TLL2: variants seen among roughly 807,000 people sequenced by gnomAD.
TLL2 encodes tolloid like 2.
Under a neutral mutation model 123.0 loss-of-function variants are expected in TLL2, and 106 were observed. The ratio of observed to expected loss-of-function variants is 0.86; its 90% confidence interval spans 0.74 to 1.01. The LOEUF is 1.01. Ranked by LOEUF, TLL2 falls within the 50% of genes least tolerant of loss-of-function variation. The pLI is 0.00. For missense variants in TLL2, 1,332 were observed against 1,336.7 expected (o/e 1.00, Z 0.06); for synonymous variants, 494 against 516.8 (o/e 0.96, Z 0.60).
At chr10:96,477,360 T>A (rs1312953907) in intron 2 of TLL2, among the ~76,000 whole-genome samples, 1 of 151,548 alleles carries the variant, frequency 6.6e-6, no homozygotes, top group Non-Finnish European at 1.5e-5. Flanking sequence ...TAATTTTTTT[T>A]TTTTTTTGAG....
intron 10 of TLL2, among the ~76,000 whole-genome samples, chr10:96,400,378 AAAC>A (rs1214823651): frequency 8.4e-4 from 117 of 139,006 alleles, no homozygotes; most frequent in East Asian, 6.4e-3. Context: ...AAAAAAAAAA[AAAC>A]AAAACCTTCA....
intron 19 of TLL2, among the ~76,000 whole-genome samples, chr10:96,371,176 C>A (rs139831341): frequency 0.017 from 2,657 of 152,060 alleles, 95 homozygotes; most frequent in African/African-American, 0.06. Flanking sequence ...ACAAAATTAG[C>A]TAGGTGTGGT....
intron 1 of TLL2, among the ~76,000 whole-genome samples, chr10:96,483,195 A>G (rs1281478572): frequency 6.6e-6 from 1 of 152,216 alleles, no homozygotes; most frequent in Non-Finnish European, 1.5e-5. Context: ...GGAAAGAAAC[A>G]GGCTGAAAAA....
At chr10:96,420,311 T>C (rs1846606503) in intron 7 of TLL2, among the ~76,000 whole-genome samples, 1 of 152,114 alleles carries the variant, frequency 6.6e-6, no homozygotes, top group Non-Finnish European at 1.5e-5. Context: ...ATACTGAAAA[T>C]CTTTAATGTC....
chr10:96,396,903 C>T (rs964122592), intron 11 of TLL2, among the ~76,000 whole-genome samples: 1 of 152,194 alleles, frequency 6.6e-6, no homozygotes, highest in African/African-American at 2.4e-5. Context: ...CCCCCCAATA[C>T]CGTCCTGTAT....
intron 1 of TLL2, among the ~76,000 whole-genome samples, chr10:96,482,435 C>T (rs1033154728): frequency 4.7e-4 from 72 of 152,350 alleles, no homozygotes; most frequent in African/African-American, 1.6e-3. Flanking sequence ...ACATGTCCAT[C>T]AGCTGTTGAA....
intron 2 of TLL2, among the ~76,000 whole-genome samples, chr10:96,473,695 A>G (rs1351296871): frequency 6.6e-6 from 1 of 152,226 alleles, no homozygotes; most frequent in Non-Finnish European, 1.5e-5. Context: ...CTTCCATCCG[A>G]GCCAATAAGT....
intron 1 of TLL2, among the ~76,000 whole-genome samples, chr10:96,496,748 G>A (rs971196617): frequency 6.6e-6 from 1 of 152,200 alleles, no homozygotes; most frequent in African/African-American, 2.4e-5. Flanking sequence ...CACAAGATTG[G>A]TTTGGGCAGG....
chr10:96,405,506 A>G (rs1846441227), intron 9 of TLL2, among the ~76,000 whole-genome samples, 172 bp from the exon 10 acceptor site: 1 of 152,202 alleles, frequency 6.6e-6, no homozygotes. Flanking sequence ...ACATTAAATA[A>G]TAAACCTTAA....
In TLL2 at chr10:96,425,263, C is replaced by T. The variant is rs560905817; in HGVS notation, c.639-2536G>A. On this transcript the variant is annotated intron_variant, in intron 5 of 20. Coordinates refer to ENST00000357947, the MANE Select transcript of TLL2 (RefSeq NM_012465.4). ...GCTACCTCTGTCATTACTGTTTTCT[C>T]TCTCTCTCTCTCTCTCTCTCTCTCT... is the stretch of plus-strand genomic sequence containing the variant. Among the ~76,000 whole-genome samples the T allele has an allele frequency of 4.7e-4, 33 of 70,160 alleles. No individual in the cohort carries two copies. In the South Asian group the frequency reaches 8.2e-3, roughly 17 times the overall value. 46.0% of individuals were successfully genotyped at this position (70,160 alleles called of 152,430 possible).
At chr10:96,511,140 C>T (rs1847626171) in intron 1 of TLL2, among the ~76,000 whole-genome samples, 1 of 152,172 alleles carries the variant, frequency 6.6e-6, no homozygotes, top group Non-Finnish European at 1.5e-5. Context: ...AAAAGGAGAG[C>T]TTCTGGCCAG....
At chr10:96,468,373 A>T (rs1282183762) in intron 2 of TLL2, among the ~76,000 whole-genome samples, 1 of 152,180 alleles carries the variant, frequency 6.6e-6, no homozygotes. Flanking sequence ...GCTGGCCATG[A>T]GGGGCAGGTG....
At chr10:96,371,140 G>A (rs930293266) in intron 19 of TLL2, among the ~76,000 whole-genome samples, 7 of 152,008 alleles carry the variant, frequency 4.6e-5, no homozygotes, top group South Asian at 2.1e-4. Flanking sequence ...TGGCCAACAT[G>A]GTGAAACCCT....
At chr10:96,384,961 C>T (rs368073030) in intron 15 of TLL2, among the ~76,000 whole-genome samples, 194 bp from the exon 16 acceptor site, 1 of 152,256 alleles carries the variant, frequency 6.6e-6, no homozygotes, top group Non-Finnish European at 1.5e-5. Context: ...CCCACTGAGG[C>T]TCTGTGGGGG....
At position 96,401,503 on chromosome 10, in the gene TLL2, T is replaced by TACAC. The variant is rs60660163; in HGVS notation, c.1267+3725_1267+3728dup. Among the ~76,000 whole-genome samples the TACAC allele has an allele frequency of 3.0e-3, 437 of 148,006 alleles. 1 individual carries two copies. The highest frequency in any genetic ancestry group is 0.01 in the African/African-American group (419 of 40,332). Reference sequence around the variant, plus strand: ...ATGACGGTTACAGGCGCTGGCACTCTACACACACACACACACACACACGCA... The same window carrying TACAC: ...ATGACGGTTACAGGCGCTGGCACTCTACACACACACACACACACACACACACGCA... On this transcript the variant is annotated intron_variant, in intron 10 of 20. Transcript: ENST00000357947.
chr10:96,444,477 A>G (rs1846876958), intron 3 of TLL2, among the ~76,000 whole-genome samples: 1 of 152,228 alleles, frequency 6.6e-6, no homozygotes, highest in Non-Finnish European at 1.5e-5. Context: ...TGCAGAAAAA[A>G]TGTGTATCAA....
At chr10:96,479,623 C>A (rs562005884) in intron 2 of TLL2, among the ~76,000 whole-genome samples, 229 of 152,324 alleles carry the variant, frequency 1.5e-3, no homozygotes, top group African/African-American at 4.2e-3. Context: ...ATCAAGGCAC[C>A]CCTGATTTCA....
intron 3 of TLL2, among the ~76,000 whole-genome samples, chr10:96,438,449 A>G (rs967775135): frequency 1.3e-5 from 2 of 152,262 alleles, no homozygotes; most frequent in African/African-American, 4.8e-5. Context: ...GAGCCATTAT[A>G]GAATTTTATA....
chr10:96,483,519 G>A (rs1296526052), intron 1 of TLL2, among the ~76,000 whole-genome samples: 1 of 152,178 alleles, frequency 6.6e-6, no homozygotes, highest in Non-Finnish European at 1.5e-5. Flanking sequence ...ATGGTATATT[G>A]AGTATGTATT....
Sources: gnomAD v4.1 joint callset for allele counts (sites outside exome capture counted in the v4.1 genomes callset) on GRCh38, gnomAD v4.1.1 for gene constraint, MANE v1.5 for transcripts, NCBI Gene and HGNC (gene_info 2026-07-23, HGNC 2026-07-21) for gene names.